Variants in FSIP1 observed in about 807,000 individuals in gnomAD.
FSIP1 encodes the protein fibrous sheath-interacting protein 1.
Under a neutral mutation model 60.9 loss-of-function variants are expected in FSIP1, and 65 were observed. The ratio of observed to expected loss-of-function variants is 1.07; its 90% CI spans 0.87 to 1.31. FSIP1 has a LOEUF of 1.31. Ranked by LOEUF, FSIP1 falls within the 40% of genes most tolerant of loss-of-function variation. The pLI is 0.00. For synonymous variants in FSIP1, 209 were observed against 221.2 expected (o/e 0.94, Z 0.49); for missense variants, 675 against 665.5 (o/e 1.01, Z -0.16).
chr15:39,735,874 G>A (rs1386394596), intron 8 of FSIP1, among the ~76,000 whole-genome samples: 2 of 151,990 alleles, frequency 1.3e-5, no homozygotes, highest in Non-Finnish European at 2.9e-5. Context: ...TATTAGCCTA[G>A]GTCTACACAG....
In FSIP1 at chr15:39,618,110, G is replaced by C; in HGVS notation, c.1324C>G (p.Pro442Ala). The change falls in exon 11 of 12, where the codon CCC becomes GCC. Residue 442 changes from proline (P) to alanine (A), a missense_variant. Pro to Ala is a conservative substitution (Grantham distance 27, BLOSUM62 -1). Transcript: ENST00000350221. The part of the protein sequence containing the change: ...EDIEDVTPVF[P>A]QLSRSIISKL... ...GAGATGATGGACCTGGAAAGCTGGGGGAACACAGGTGTTACGTCCTCAATG... is the reference window on the plus strand; with the variant it reads ...GAGATGATGGACCTGGAAAGCTGGGCGAACACAGGTGTTACGTCCTCAATG... 1 of 1,614,126 alleles carries C rather than the reference G, an allele frequency of 6.2e-7. No individual in the cohort carries two copies. Among genetic ancestry groups the C allele is most frequent in the Non-Finnish European group, 8.5e-7 (1 of 1,180,018 alleles).
intron 3 of FSIP1, among the ~76,000 whole-genome samples, chr15:39,767,583 GC>G (rs1897735402): frequency 6.6e-6 from 1 of 152,164 alleles, no homozygotes; most frequent in African/African-American, 2.4e-5. Context: ...GGCCTGCCAT[GC>G]CCCCATCCTG....
chr15:39,749,147 T>C (rs79447309), intron 5 of FSIP1, among the ~76,000 whole-genome samples: 3,735 of 151,120 alleles, frequency 0.025, 74 homozygotes, highest in Non-Finnish European at 0.039. Context: ...AACACAGAGA[T>C]TGAAGTAGTA....
chr15:39,768,983 T>G (rs2140716248), intron 3 of FSIP1, among the ~76,000 whole-genome samples: 1 of 152,306 alleles, frequency 6.6e-6, no homozygotes, highest in South Asian at 2.1e-4. Flanking sequence ...CCAATTTTTA[T>G]AAGAAAAGTC....
chr15:39,639,211 T>C (rs957030381), intron 10 of FSIP1, among the ~76,000 whole-genome samples: 3 of 152,220 alleles, frequency 2.0e-5, no homozygotes, highest in Non-Finnish European at 4.4e-5. Context: ...ATAGTGGTCA[T>C]TGCCAAAGCT....
At chr15:39,743,754 C>T (rs971795726) in intron 5 of FSIP1, among the ~76,000 whole-genome samples, 11 of 152,196 alleles carry the variant, frequency 7.2e-5, no homozygotes, top group Non-Finnish European at 1.3e-4. Flanking sequence ...AGCATCAGGA[C>T]AATCACCGTC....
rs773865301 is a variant in FSIP1, at chr15:39,765,684, G to C, written c.373C>G (p.Leu125Val). 6.3e-7 allele frequency: 1 copy of C among 1,586,970 alleles called. No individual in the cohort carries two copies. The highest frequency in any genetic ancestry group is 1.7e-5 in the Admixed American group (1 of 58,896). Residue 125 changes from leucine to valine, a missense_variant, in exon 4 of 12, where the codon CTT (leucine) becomes GTT (valine). Transcript: ENST00000350221. ...TGTTTCTTTGCCAATATTTTATCAAGTTTTTTCATCTTCTGAATAGCATCT... is the reference window on the plus strand; with the variant it reads ...TGTTTCTTTGCCAATATTTTATCAACTTTTTTCATCTTCTGAATAGCATCT... ...LQDAIQKMKK[L>V]DKILAKKQRR...
chr15:39,754,140 G>A (rs757209979), intron 5 of FSIP1, among the ~76,000 whole-genome samples: 6 of 152,012 alleles, frequency 3.9e-5, no homozygotes, highest in Non-Finnish European at 8.8e-5. Context: ...GGACATACAC[G>A]CATCCTATGG....
chr15:39,653,028 T>G (rs530051063), intron 10 of FSIP1, among the ~76,000 whole-genome samples: 5 of 152,004 alleles, frequency 3.3e-5, no homozygotes, highest in Non-Finnish European at 2.9e-5. Context: ...ATACAAAAAT[T>G]ACTCAGGCGT....
intron 10 of FSIP1, among the ~76,000 whole-genome samples, chr15:39,687,287 T>TA (rs1331127995): frequency 6.6e-6 from 1 of 152,010 alleles, no homozygotes; most frequent in South Asian, 2.1e-4. Context: ...CCCAAGTAGC[T>TA]AAGATTACAG....
At chr15:39,670,734 T>C (rs1893686270) in intron 10 of FSIP1, among the ~76,000 whole-genome samples, 1 of 152,270 alleles carries the variant, frequency 6.6e-6, no homozygotes. Context: ...TTATACTGCA[T>C]GTCATTCAAA....
intron 9 of FSIP1, among the ~76,000 whole-genome samples, chr15:39,717,008 T>C (rs1316082417): frequency 2.0e-5 from 3 of 151,832 alleles, no homozygotes; most frequent in South Asian, 4.2e-4. Flanking sequence ...AGAGACAGGG[T>C]TTCACCATGT....
intron 5 of FSIP1, among the ~76,000 whole-genome samples, chr15:39,751,193 T>C (rs1897150336): frequency 6.6e-6 from 1 of 151,872 alleles, no homozygotes. Context: ...GTGGAGCCAT[T>C]ATGGAAACCA....
intron 8 of FSIP1, among the ~76,000 whole-genome samples, chr15:39,735,711 T>G (rs1896582084): frequency 6.6e-6 from 1 of 152,180 alleles, no homozygotes; most frequent in Non-Finnish European, 1.5e-5. Flanking sequence ...TTTGTTTAAC[T>G]TTTTCGCTCT....
intron 10 of FSIP1, among the ~76,000 whole-genome samples, chr15:39,668,532 T>C (rs1216105165): frequency 6.6e-6 from 1 of 152,216 alleles, no homozygotes; most frequent in Non-Finnish European, 1.5e-5. Context: ...TTTAAGAAAA[T>C]TAGCCTATAT....
intron 10 of FSIP1, among the ~76,000 whole-genome samples, chr15:39,641,348 C>T (rs887066370): frequency 2.0e-5 from 3 of 152,114 alleles, no homozygotes; most frequent in African/African-American, 4.8e-5. Context: ...AGTTCAGGCC[C>T]TCATTTTAGA....
In FSIP1 at chr15:39,610,763, C is replaced by T. The variant is rs183626401; in HGVS notation, c.1699+6972G>A. On this transcript the variant is annotated intron_variant, in intron 11 of 11. Transcript: ENST00000350221. ...TATAATATTCAAGGGAGTCCCAAAACAGCAACCAGCAGATTTCTCAGCAGA... is the reference window on the plus strand; with the variant it reads ...TATAATATTCAAGGGAGTCCCAAAATAGCAACCAGCAGATTTCTCAGCAGA... Among the ~76,000 whole-genome samples, 453 of 152,294 alleles carry T rather than the reference C, an allele frequency of 3.0e-3. 3 individuals carry two copies. Among genetic ancestry groups the T allele is most frequent in the Non-Finnish European group, 5.1e-3 (344 of 68,028 alleles).
intron 8 of FSIP1, among the ~76,000 whole-genome samples, chr15:39,727,971 T>C (rs1296592804): frequency 1.3e-5 from 2 of 152,018 alleles, no homozygotes; most frequent in Non-Finnish European, 2.9e-5. Flanking sequence ...CAAAAATCAA[T>C]AACATTTCTA....
intron 10 of FSIP1, among the ~76,000 whole-genome samples, chr15:39,661,840 C>T (rs1392205607): frequency 6.6e-6 from 1 of 152,178 alleles, no homozygotes; most frequent in Non-Finnish European, 1.5e-5. Context: ...ACTAAGACTG[C>T]ATGGTTTTAA....
Sources: gnomAD v4.1 joint callset for allele counts (sites outside exome capture counted in the v4.1 genomes callset) on GRCh38, gnomAD v4.1.1 for gene constraint, MANE v1.5 for transcripts, NCBI Gene and HGNC (gene_info 2026-07-23, HGNC 2026-07-21) for gene names.